EFCAB8: variants seen among roughly 807,000 people sequenced by gnomAD.
EFCAB8 encodes EF-hand calcium binding domain 8, also known as EF-hand calcium-binding domain-containing protein 8.
A neutral mutation model predicts 116.3 loss-of-function variants in EFCAB8; 100 were observed. The observed-to-expected ratio is 0.86, with a 90% CI of 0.73 to 1.02. The LOEUF (loss-of-function observed/expected upper bound fraction) is 1.02. Ranked by LOEUF, EFCAB8 falls within the 50% of genes least tolerant of loss-of-function variation. EFCAB8 has a pLI of 0.00. For missense variants in EFCAB8, 1,320 were observed against 1,416.9 expected, an observed-to-expected ratio of 0.93 and a Z score of 1.10; for synonymous variants, 558 against 567.9, an observed-to-expected ratio of 0.98 and a Z score of 0.25.
At chr20:32,946,691 A>G (rs779775359) in intron 23 of EFCAB8, among the ~76,000 whole-genome samples, 12 of 152,352 alleles carry the variant, frequency 7.9e-5, no homozygotes, top group Non-Finnish European at 1.3e-4. Context: ...TTAAAAGTAT[A>G]TAGTTCTGTG....
intron 16 of EFCAB8, among the ~76,000 whole-genome samples, chr20:32,911,948 A>G (rs916112333): frequency 1.3e-5 from 2 of 152,216 alleles, no homozygotes; most frequent in African/African-American, 2.4e-5. Flanking sequence ...TAAATTTGCT[A>G]GCACTTCTCA....
intron 20 of EFCAB8, among the ~76,000 whole-genome samples, chr20:32,923,676 A>G (rs1987554900): frequency 6.6e-6 from 1 of 152,112 alleles, no homozygotes; most frequent in African/African-American, 2.4e-5. Context: ...AAATCTAGAT[A>G]TTTTTCACTG....
At position 32,907,144 on chromosome 20, in the gene EFCAB8, G is replaced by A. The variant is rs1986717443; in HGVS notation, c.1308+150G>A. On this transcript the variant is annotated intron_variant, in intron 13 of 26. Transcript: ENST00000400522. ...GTGGGAGGAAGGTGAGGGTGGCCAT[G>A]GACCTCTGAGCATGTCCCCAGAGCT... is the stretch of plus-strand genomic sequence containing the variant. The A allele has an allele frequency of 2.7e-5, 39 of 1,421,330 alleles. No homozygotes were observed. The South Asian group carries it at 5.3e-4, about 19-fold the overall frequency. The allele number at this position is 1,421,330 out of a possible 1,614,324, so 88.0% of individuals were successfully genotyped here.
At chr20:32,947,506 T>A (rs1988633136) in intron 23 of EFCAB8, among the ~76,000 whole-genome samples, 1 of 152,212 alleles carries the variant, frequency 6.6e-6, no homozygotes, top group Non-Finnish European at 1.5e-5. Context: ...GTATGTTCTC[T>A]GATCCCAATG....
intron 6 of EFCAB8, among the ~76,000 whole-genome samples, chr20:32,886,487 G>T (rs776673215): frequency 6.6e-6 from 1 of 152,188 alleles, no homozygotes; most frequent in South Asian, 2.1e-4. Flanking sequence ...TTCTGAGCCT[G>T]TGTAACTGCA....
intron 3 of EFCAB8, among the ~76,000 whole-genome samples, chr20:32,872,672 T>G (rs1248611602): frequency 2.0e-5 from 3 of 151,636 alleles, no homozygotes; most frequent in Non-Finnish European, 4.4e-5. Flanking sequence ...TGGGTGCCTG[T>G]AGTTCCAGCT....
chr20:32,898,871 AG>A (rs1449289159), intron 11 of EFCAB8, among the ~76,000 whole-genome samples: 3 of 152,212 alleles, frequency 2.0e-5, no homozygotes, highest in Non-Finnish European at 4.4e-5. Context: ...TTCTGAATGA[AG>A]GGATGACTGT....
At chr20:32,896,574 C>T in intron 10 of EFCAB8, 47 bp downstream of exon 10, 2 of 712,102 alleles carry the variant, frequency 2.8e-6, no homozygotes, top group Non-Finnish European at 5.2e-6. Context: ...ATTATCTGTA[C>T]ACACACACCA....
intron 11 of EFCAB8, among the ~76,000 whole-genome samples, chr20:32,900,565 A>G (rs572682802): frequency 1.4e-5 from 2 of 146,914 alleles, no homozygotes; most frequent in East Asian, 4.0e-4. Flanking sequence ...AATTTTTATT[A>G]TTTTTATTTT....
chr20:32,878,812 G>A lies in EFCAB8; in HGVS notation c.431+5G>A. 1 of 1,551,960 alleles carries A rather than the reference G, an allele frequency of 6.4e-7. No homozygotes were observed. Among genetic ancestry groups the A allele is most frequent in the Non-Finnish European group, 8.7e-7 (1 of 1,146,902 alleles). ...TCCCATGACGGTCGTCCCCCTGTAA[G>A]GAGCCTCTTCCTGGGCCTTGGTGGG... is the stretch of plus-strand genomic sequence containing the variant. On this transcript the variant is annotated splice_donor_5th_base_variant and intron_variant, in intron 5 of 26. Transcript: ENST00000400522.
At chr20:32,885,371 C>T (rs1462847251) in intron 5 of EFCAB8, 134 bp from the exon 6 acceptor site, 82 of 1,191,290 alleles carry the variant, frequency 6.9e-5, no homozygotes, top group Non-Finnish European at 9.0e-5. Flanking sequence ...TTATGGCGTG[C>T]GCATGTGCGT....
Position 32,866,725 on chromosome 20 carries a change from C to T in EFCAB8, c.43-857C>T, listed in dbSNP as rs1015100548. Among the ~76,000 whole-genome samples the T allele has an allele frequency of 4.9e-5, 7 of 142,518 alleles. No individual in the cohort carries two copies. The South Asian group carries it at 1.6e-3, about 33-fold the overall frequency. The allele number at this position is 142,518 out of a possible 152,430, so 93.5% of individuals were successfully genotyped here. On this transcript the variant is annotated intron_variant, in intron 2 of 26. Coordinates refer to ENST00000400522, the MANE Select transcript of EFCAB8 (RefSeq NM_001143967.2). ...ATGGAGCTGGATTCCCTGGGGTTTT[C>T]TTCCTTCCTTCCTTCCTTCCTTCCC...
At chr20:32,909,965 G>A in intron 15 of EFCAB8, 34 bp downstream of exon 15, 7 of 1,147,348 alleles carry the variant, frequency 6.1e-6, no homozygotes, top group East Asian at 3.2e-5. Context: ...TGAGGCTGGC[G>A]GGAACACCAG....
intron 22 of EFCAB8, among the ~76,000 whole-genome samples, chr20:32,933,715 A>G (rs1286703130): frequency 1.3e-5 from 2 of 152,198 alleles, no homozygotes; most frequent in Non-Finnish European, 2.9e-5. Context: ...TCAGTGGCTC[A>G]AGCCTGTAAT....
Position 32,922,393 on chromosome 20 carries a change from T to C in EFCAB8, c.2412+2178T>C, listed in dbSNP as rs138444512. Among the ~76,000 whole-genome samples, 543 of 152,340 alleles carry C rather than the reference T, an allele frequency of 3.6e-3. 1 individual carries two copies. Among genetic ancestry groups the C allele is most frequent in the African/African-American group, 0.012 (505 of 41,568 alleles). On this transcript the variant is annotated intron_variant, in intron 20 of 26. Coordinates refer to ENST00000400522, the MANE Select transcript of EFCAB8 (RefSeq NM_001143967.2). ...GTAGATGGCTCAAAGCTTGATCTTTTGGGCTAGTGACCTAGTGCTGTCAGG... is the reference window on the plus strand; with the variant it reads ...GTAGATGGCTCAAAGCTTGATCTTTCGGGCTAGTGACCTAGTGCTGTCAGG...
intron 11 of EFCAB8, among the ~76,000 whole-genome samples, chr20:32,901,113 G>T (rs945154333): frequency 1.2e-4 from 19 of 152,248 alleles, no homozygotes; most frequent in African/African-American, 4.6e-4. Flanking sequence ...TGAAGGGGAA[G>T]TTTCAGTCTT....
In EFCAB8 at chr20:32,961,102, G is replaced by T. The variant is rs1368624301; in HGVS notation, c.3394-34G>T. ...CTGGGTGTCCCCGGCTCCAACTGGT[G>T]CCCCATTCCCGCTCCCCACTCTGTT... On this transcript the variant is annotated intron_variant, in intron 26 of 26. Coordinates refer to ENST00000400522, the MANE Select transcript of EFCAB8 (RefSeq NM_001143967.2). 2.0e-6 allele frequency: 3 copies of T among 1,535,764 alleles called. No homozygotes were observed. In the South Asian group the frequency reaches 3.6e-5, roughly 18 times the overall value.
At chr20:32,926,599 C>T (rs112798506) in intron 20 of EFCAB8, among the ~76,000 whole-genome samples, 3,429 of 148,154 alleles carry the variant, frequency 0.023, 96 homozygotes, top group African/African-American at 0.063. Flanking sequence ...CATGCTGGTG[C>T]GCTGCACCCA....
intron 11 of EFCAB8, among the ~76,000 whole-genome samples, chr20:32,903,198 C>T (rs899491061): frequency 6.6e-6 from 1 of 152,210 alleles, no homozygotes; most frequent in Admixed American, 6.5e-5. Flanking sequence ...ACCTGGTGCC[C>T]ACCACACCGG....
Sources: gnomAD v4.1 joint callset for allele counts (sites outside exome capture counted in the v4.1 genomes callset) on GRCh38, gnomAD v4.1.1 for gene constraint, MANE v1.5 for transcripts, NCBI Gene and HGNC (gene_info 2026-07-23, HGNC 2026-07-21) for gene names.